EHBP1: variants seen among roughly 807,000 people sequenced by gnomAD.
EHBP1 encodes EH domain-binding protein 1.
A neutral mutation model predicts 144.0 loss-of-function variants in EHBP1; 55 were observed. The observed-to-expected ratio is 0.38, with a 90% CI of 0.31 to 0.48. The LOEUF (loss-of-function observed/expected upper bound fraction) is 0.48. Ranked by LOEUF, EHBP1 falls within the 20% of genes least tolerant of loss-of-function variation. EHBP1 has a pLI of 0.98. For missense variants in EHBP1, 1,200 were observed against 1,364.2 expected (o/e 0.88, Z 1.90); for synonymous variants, 469 against 472.7 (o/e 0.99, Z 0.10).
chr2:63,037,765 AAAAT>A (rs2061498356), intron 20 of EHBP1, 131 bp downstream of exon 20: 1 of 533,970 alleles, frequency 1.9e-6, no homozygotes, highest in East Asian at 3.4e-5. Context: ...GTTTTATAAA[AAAAT>A]AAAAAATAGT....
chr2:62,947,737 A>C (rs2057144940), intron 12 of EHBP1, among the ~76,000 whole-genome samples: 1 of 152,228 alleles, frequency 6.6e-6, no homozygotes, highest in African/African-American at 2.4e-5. Context: ...GAATGAATTA[A>C]ATGAAGTCAC....
chr2:62,819,105 C>T (rs1410262419), intron 5 of EHBP1, among the ~76,000 whole-genome samples: 2 of 152,066 alleles, frequency 1.3e-5, no homozygotes, highest in Non-Finnish European at 2.9e-5. Flanking sequence ...AAATCCCATG[C>T]AAAACATTAG....
At chr2:62,854,448 T>C (rs2048888871) in intron 7 of EHBP1, among the ~76,000 whole-genome samples, 1 of 152,258 alleles carries the variant, frequency 6.6e-6, no homozygotes, top group Non-Finnish European at 1.5e-5. Context: ...TAATCATTTC[T>C]AGCTTTTCAT....
intron 5 of EHBP1, among the ~76,000 whole-genome samples, chr2:62,797,498 G>A (rs1315831792): frequency 6.6e-6 from 1 of 152,200 alleles, no homozygotes; most frequent in Non-Finnish European, 1.5e-5. Context: ...CTACCTGTTA[G>A]TGTACTTATC....
chr2:62,826,140 A>G lies in EHBP1; in HGVS notation c.366A>G (p.Lys122=). 10 of 1,589,688 alleles carry G rather than the reference A, an allele frequency of 6.3e-6. No homozygotes were observed. Among genetic ancestry groups the G allele is most frequent in the African/African-American group, 2.7e-5 (2 of 73,742 alleles). The change falls in exon 6 of 23, where the codon AAA becomes AAG. Residue 122 remains lysine (K), a synonymous_variant. Transcript: ENST00000431489. ...KALATSSINM[K]QYASPMPTQT... ...TTGCTACTAGCAGCATCAATATGAA[A>G]CAGTATGCAAGCCCTATGCCAACTC...
intron 14 of EHBP1, among the ~76,000 whole-genome samples, chr2:62,977,497 G>A (rs901290183): frequency 6.6e-6 from 1 of 152,012 alleles, no homozygotes; most frequent in South Asian, 2.1e-4. Flanking sequence ...ATCCATGATG[G>A]TATGATACAT....
intron 14 of EHBP1, among the ~76,000 whole-genome samples, chr2:62,956,715 C>T (rs957124623): frequency 6.6e-6 from 1 of 150,464 alleles, no homozygotes; most frequent in African/African-American, 2.4e-5. Flanking sequence ...AAAACCACCG[C>T]AAAACTTACT....
chr2:62,928,463 A>G (rs373753969), intron 10 of EHBP1, among the ~76,000 whole-genome samples: 3 of 152,278 alleles, frequency 2.0e-5, no homozygotes, highest in Middle Eastern at 3.4e-3. Flanking sequence ...AAGTTTGACA[A>G]TGGCTGCTTG....
intron 1 of EHBP1, among the ~76,000 whole-genome samples, chr2:62,685,369 C>T (rs1202720547): frequency 4.6e-5 from 7 of 151,948 alleles, no homozygotes; most frequent in African/African-American, 1.5e-4. Flanking sequence ...TTGTTGGTTC[C>T]TTCTGAGGGT....
rs188825721 is a variant in EHBP1, at chr2:62,833,843, C to G, written c.634+2685C>G. Among the ~76,000 whole-genome samples the G allele has an allele frequency of 3.1e-3, 474 of 152,266 alleles. 2 individuals carry two copies. The highest frequency in any genetic ancestry group is 0.011 in the African/African-American group (442 of 41,544). ...TCTAGGCCAAGTCAATTGAAAACCTCTTGGAAAGGACTCACTGTTCTAGAT... is the reference window on the plus strand; with the variant it reads ...TCTAGGCCAAGTCAATTGAAAACCTGTTGGAAAGGACTCACTGTTCTAGAT... On this transcript the variant is annotated intron_variant, in intron 7 of 22. Transcript: ENST00000431489.
At chr2:62,928,679 A>G (rs912181885) in intron 10 of EHBP1, among the ~76,000 whole-genome samples, 5 of 152,134 alleles carry the variant, frequency 3.3e-5, no homozygotes, top group Non-Finnish European at 5.9e-5. Context: ...TGGAAGAACA[A>G]ACTAAACCCA....
At position 62,901,023 on chromosome 2, in the gene EHBP1, C is replaced by T. The variant is rs1340495297; in HGVS notation, c.1185+26491C>T. Among the ~76,000 whole-genome samples the T allele has an allele frequency of 1.1e-4, 17 of 152,218 alleles. 1 individual carries two copies. The highest frequency in any genetic ancestry group is 1.1e-3 in the Admixed American group (17 of 15,292). On this transcript the variant is annotated intron_variant, in intron 10 of 22. Coordinates refer to ENST00000431489, the MANE Select transcript of EHBP1 (RefSeq NM_001142616.3). The stretch of plus-strand genomic sequence containing the variant: ...TGTGAAGCTCATTTAAAGTCAACAA[C>T]ACTATATTTTATAGAAAGTATTTAT...
chr2:62,971,019 A>G (rs957399710), intron 14 of EHBP1, among the ~76,000 whole-genome samples: 2 of 152,244 alleles, frequency 1.3e-5, no homozygotes, highest in Non-Finnish European at 2.9e-5. Flanking sequence ...AAGGAATTAC[A>G]TTACTTATTC....
chr2:62,766,887 T>C (rs551030756), intron 4 of EHBP1, among the ~76,000 whole-genome samples: 2 of 150,582 alleles, frequency 1.3e-5, no homozygotes, highest in African/African-American at 4.9e-5. Flanking sequence ...ATGTAACATC[T>C]CTACAATCCC....
At chr2:62,863,281 T>TCACA (rs143162421) in intron 8 of EHBP1, among the ~76,000 whole-genome samples, 45 of 145,466 alleles carry the variant, frequency 3.1e-4, no homozygotes, top group East Asian at 2.5e-3. Flanking sequence ...TGAGACTCCG[T>TCACA]CACACACACA....
chr2:62,723,428 T>G (rs566961297), intron 2 of EHBP1, among the ~76,000 whole-genome samples: 10 of 152,344 alleles, frequency 6.6e-5, no homozygotes, highest in African/African-American at 2.2e-4. Flanking sequence ...GTCTTGGTTC[T>G]TTATGCAGCT....
At chr2:62,857,333 C>T (rs2049139787) in intron 7 of EHBP1, among the ~76,000 whole-genome samples, 3 of 152,142 alleles carry the variant, frequency 2.0e-5, no homozygotes, top group African/African-American at 7.2e-5. Flanking sequence ...TCCACAAGGA[C>T]AATACCATGT....
At chr2:62,966,873 A>C (rs1221830974) in intron 14 of EHBP1, among the ~76,000 whole-genome samples, 12 of 152,178 alleles carry the variant, frequency 7.9e-5, no homozygotes, top group Admixed American at 7.9e-4. Context: ...ACTAGCCTGC[A>C]CTAGGAGCAG....
chr2:63,015,770 T>C (rs1029985890), intron 19 of EHBP1, among the ~76,000 whole-genome samples: 8 of 152,160 alleles, frequency 5.3e-5, no homozygotes, highest in African/African-American at 1.9e-4. Flanking sequence ...GCATTTTAAT[T>C]ACAGAACTGA....
Sources: allele counts gnomAD v4.1 joint callset (sites outside exome capture counted in the v4.1 genomes callset), GRCh38; gene constraint gnomAD v4.1.1; transcripts MANE v1.5; gene names NCBI Gene and HGNC (gene_info 2026-07-23, HGNC 2026-07-21).